The following IMPG2 variants were observed in gnomAD, a reference collection of about 807,000 sequenced individuals.
IMPG2 encodes IPM 200.
Under a neutral mutation model 129.2 loss-of-function variants are expected in IMPG2, and 91 were observed. That is an observed-to-expected ratio of 0.70 (90% CI 0.59 to 0.84). IMPG2 has a LOEUF of 0.84. IMPG2 is among the 40% of genes least tolerant of loss of function. The probability of loss-of-function intolerance (pLI) is 0.00; values close to 1 mark genes in which losing one functional copy is unlikely to be tolerated. For synonymous variants in IMPG2, 510 were observed against 517.7 expected, an observed-to-expected ratio of 0.99 and a Z score of 0.20; for missense variants, 1,430 against 1,461.7, an observed-to-expected ratio of 0.98 and a Z score of 0.35.
chr3:101,305,218 T>C (rs1442668767), intron 2 of IMPG2, among the ~76,000 whole-genome samples: 1 of 152,078 alleles, frequency 6.6e-6, no homozygotes, highest in Non-Finnish European at 1.5e-5. Flanking sequence ...TGCACATTGC[T>C]AAGTAGAGGA....
At chr3:101,271,695 T>C (rs1332934486) in intron 7 of IMPG2, among the ~76,000 whole-genome samples, 1 of 152,170 alleles carries the variant, frequency 6.6e-6, no homozygotes, top group Non-Finnish European at 1.5e-5. Context: ...TCATGATAAA[T>C]GTGCTTTAGA....
chr3:101,300,584 T>G (rs1174054626), intron 3 of IMPG2, among the ~76,000 whole-genome samples: 1 of 152,232 alleles, frequency 6.6e-6, no homozygotes, highest in African/African-American at 2.4e-5. Flanking sequence ...AAAGCACGTT[T>G]TCCCAGGCTG....
chr3:101,267,320 C>T (rs770513417), intron 9 of IMPG2, among the ~76,000 whole-genome samples, 191 bp downstream of exon 9: 17 of 152,044 alleles, frequency 1.1e-4, no homozygotes, highest in African/African-American at 3.4e-4. Flanking sequence ...GACTATATGG[C>T]CTACAAAGTT....
At chr3:101,318,620 C>G (rs1440063258) in intron 2 of IMPG2, among the ~76,000 whole-genome samples, 2 of 151,968 alleles carry the variant, frequency 1.3e-5, no homozygotes, top group Non-Finnish European at 2.9e-5. Context: ...TAATCCAGTG[C>G]CTGGAAAATT....
At chr3:101,306,094 T>C (rs577414695) in intron 2 of IMPG2, among the ~76,000 whole-genome samples, 17 of 152,348 alleles carry the variant, frequency 1.1e-4, no homozygotes, top group African/African-American at 4.1e-4. Flanking sequence ...ACTAGTTTGA[T>C]ACCATGGGTA....
intron 11 of IMPG2, among the ~76,000 whole-genome samples, chr3:101,251,046 C>A (rs916536397): frequency 6.6e-6 from 1 of 152,098 alleles, no homozygotes; most frequent in African/African-American, 2.4e-5. Flanking sequence ...TGTGTTAAAG[C>A]TACTCATATA....
rs182404017 is a variant in IMPG2, at chr3:101,229,301, C to A, written c.3633+79G>T. The A allele has an allele frequency of 4.9e-4, 409 of 840,990 alleles. No homozygotes were observed. In the African/African-American group the frequency reaches 6.5e-3, roughly 13 times the overall value. The allele number at this position is 840,990 out of a possible 1,614,324, so 52.1% of individuals were successfully genotyped here. A position where few individuals can be genotyped will look rare whatever the true frequency, so the allele number is the denominator to read the frequency against. On this transcript the variant is annotated intron_variant, in intron 17 of 18. Transcript: ENST00000193391. ...GCATGCACACATACACTCATACACA[C>A]CCCCACCCACCACCCCCTGCTCCCC...
rs1163315823 is a variant in IMPG2 at position 101,242,782 on chromosome 3, G to C, written c.2928C>G (p.Asn976Lys). 1.2e-6 allele frequency: 2 copies of C among 1,613,882 alleles called. No individual in the cohort carries two copies. Among genetic ancestry groups the C allele is most frequent in the East Asian group, 4.5e-5 (2 of 44,876 alleles). The change falls in exon 14 of 19, where the codon AAC (asparagine) becomes AAG (lysine). Residue 976 changes from asparagine (N) to lysine (K), a missense_variant. By Grantham distance (94) the Asn-to-Lys change is moderately conservative (BLOSUM62 0). Coordinates refer to ENST00000193391, the MANE Select transcript of IMPG2 (RefSeq NM_016247.4). ...KFANSVPPNV[N>K]NAVYMILEDF... ...CTTCCAGAATCATGTACACCGCATT[G>C]TTGACGTTAGGAGGGACAGAATTGG...
intron 3 of IMPG2, among the ~76,000 whole-genome samples, chr3:101,300,238 C>T (rs1707125954): frequency 6.6e-6 from 1 of 152,246 alleles, no homozygotes; most frequent in Non-Finnish European, 1.5e-5. Flanking sequence ...AGCAAGCCGT[C>T]CAGCCTCCCT....
intron 18 of IMPG2, 119 bp from the exon 19 acceptor site, chr3:101,227,100 T>C (rs923795614): frequency 5.9e-6 from 7 of 1,191,774 alleles, no homozygotes; most frequent in Non-Finnish European, 8.5e-6. Context: ...TCTATTTTTT[T>C]CTTTATTTGA....
In IMPG2 at chr3:101,276,660, A is replaced by G. The variant is rs757298720; in HGVS notation, c.583+4T>C. ...GAAAAGTGAATGAAGACACAAAAGT[A>G]TACCTCCCAATGTTGAAGTATCACC... is the stretch of plus-strand genomic sequence containing the variant. On this transcript the variant is annotated splice_donor_region_variant and intron_variant, in intron 5 of 18. Coordinates refer to ENST00000193391, the MANE Select transcript of IMPG2 (RefSeq NM_016247.4). 8.2e-6 allele frequency: 13 copies of G among 1,594,470 alleles called. No individual in the cohort carries two copies. In the Admixed American group the frequency reaches 2.2e-4, roughly 27 times the overall value.
chr3:101,236,199 G>A (rs1304368651), intron 14 of IMPG2, among the ~76,000 whole-genome samples: 1 of 152,180 alleles, frequency 6.6e-6, no homozygotes, highest in Non-Finnish European at 1.5e-5. Flanking sequence ...TCAGAACTGG[G>A]GAGGATTAAG....
chr3:101,312,410 A>C (rs1707277190), intron 2 of IMPG2, among the ~76,000 whole-genome samples: 1 of 152,174 alleles, frequency 6.6e-6, no homozygotes, highest in Non-Finnish European at 1.5e-5. Context: ...ATAAATAAGC[A>C]TATGAAAAGT....
intron 4 of IMPG2, among the ~76,000 whole-genome samples, chr3:101,289,009 T>C (rs1272313438): frequency 2.0e-5 from 3 of 152,198 alleles, no homozygotes; most frequent in African/African-American, 7.2e-5. Flanking sequence ...CTAGTTAATG[T>C]AGAGCTTACA....
At chr3:101,252,304 C>A (rs1706553330) in intron 11 of IMPG2, among the ~76,000 whole-genome samples, 1 of 152,136 alleles carries the variant, frequency 6.6e-6, no homozygotes, top group African/African-American at 2.4e-5. Flanking sequence ...TTGGATCCAG[C>A]TAGTCTCCAG....
chr3:101,265,960 T>C (rs1706717183), intron 9 of IMPG2, among the ~76,000 whole-genome samples: 1 of 152,156 alleles, frequency 6.6e-6, no homozygotes, highest in African/African-American at 2.4e-5. Flanking sequence ...ATGCTCAACA[T>C]TTTCATCAAC....
intron 6 of IMPG2, 120 bp from the exon 7 acceptor site, chr3:101,273,862 T>A: frequency 1.0e-6 from 1 of 995,218 alleles, no homozygotes; most frequent in Non-Finnish European, 1.5e-6. Context: ...ATAATCTTAT[T>A]ATTTCGTATT....
chr3:101,230,979 T>G lies in IMPG2; in HGVS notation c.3400A>C (p.Ser1134Arg), dbSNP rs765312212. ...TACCTGAAGGGACTCTCTCTTTCACTCCTGTCATGGTGTGCTTGGAGAGTC... is the reference window on the plus strand; with the variant it reads ...TACCTGAAGGGACTCTCTCTTTCACGCCTGTCATGGTGTGCTTGGAGAGTC... ...IRTLQAHHDR[S>R]ERESPFSGSS... Residue 1134 changes from serine (S) to arginine (R), a missense_variant, in exon 16 of 19, where the codon AGT (serine) becomes CGT (arginine). By Grantham distance (110) the Ser-to-Arg change is moderately radical. Transcript: ENST00000193391. The G allele has an allele frequency of 1.9e-6, 3 of 1,613,434 alleles. No individual in the cohort carries two copies. Among genetic ancestry groups the G allele is most frequent in the Non-Finnish European group, 2.5e-6 (3 of 1,179,452 alleles).
chr3:101,289,248 G>T (rs1480736161), intron 4 of IMPG2, among the ~76,000 whole-genome samples: 1 of 152,116 alleles, frequency 6.6e-6, no homozygotes, highest in Non-Finnish European at 1.5e-5. Context: ...TTTGGTTGTT[G>T]TTATTGTAAT....
Sources: allele counts gnomAD v4.1 joint callset (sites outside exome capture counted in the v4.1 genomes callset), GRCh38; gene constraint gnomAD v4.1.1; transcripts MANE v1.5; gene names NCBI Gene and HGNC (gene_info 2026-07-23, HGNC 2026-07-21).